Variants in RIMS2 observed in about 807,000 individuals in gnomAD.
RIMS2 encodes regulating synaptic membrane exocytosis protein 2.
In RIMS2, 59 loss-of-function variants were observed where a neutral mutation model predicts 174.4. The observed-to-expected ratio is 0.34, with a 90% CI of 0.27 to 0.42. RIMS2 has a LOEUF of 0.42. RIMS2 is among the 10% of genes least tolerant of loss of function. The pLI is 1.00. For missense variants in RIMS2, 1,620 were observed against 1,666.3 expected, an observed-to-expected ratio of 0.97 and a Z score of 0.48; for synonymous variants, 606 against 572.5, an observed-to-expected ratio of 1.06 and a Z score of -0.84.
At position 103,768,695 on chromosome 8, in the gene RIMS2, G is replaced by A. The variant is rs140559014; in HGVS notation, c.698+2158G>A. The A allele has an allele frequency of 3.9e-6, 3 of 773,130 alleles. No homozygotes were observed. The East Asian group carries it at 7.4e-5, about 19-fold the overall frequency. The allele number at this position is 773,130 out of a possible 1,614,324, so 47.9% of individuals were successfully genotyped here. ...CATCACCTGGGGCCCAAAAGAGCTA[G>A]CAGAATCCACAAACTTTTCAATCTC... On this transcript the variant is annotated intron_variant, in intron 3 of 23. Coordinates refer to ENST00000504942, the Ensembl canonical transcript of RIMS2.
intron 1 of RIMS2, among the ~76,000 whole-genome samples, chr8:103,599,624 T>C (rs2094621651): frequency 6.6e-6 from 1 of 151,426 alleles, no homozygotes; most frequent in Non-Finnish European, 1.5e-5. Flanking sequence ...TTTTTTTTGT[T>C]TTGTTTTGTA....
At chr8:103,952,290 C>G (rs1465107714) in intron 14 of RIMS2, among the ~76,000 whole-genome samples, 1 of 152,184 alleles carries the variant, frequency 6.6e-6, no homozygotes, top group Non-Finnish European at 1.5e-5. Context: ...CAAGTGGGTC[C>G]CTGACCCCCA....
rs193279154 is a variant in RIMS2 at position 104,148,377 on chromosome 8, C to T, written c.3335-96539C>T. Among the ~76,000 whole-genome samples, 494 of 152,086 alleles carry T rather than the reference C, an allele frequency of 3.2e-3. 4 individuals carry two copies. The highest frequency in any genetic ancestry group is 0.011 in the African/African-American group (457 of 41,508). On this transcript the variant is annotated intron_variant, in intron 19 of 23. Coordinates refer to ENST00000504942, the Ensembl canonical transcript of RIMS2. Reference sequence around the variant, plus strand: ...GTGATCATGCAAATTTGCACCTTGTCTTTGACAGCAGAAATAAAATCATAA... The same window carrying T: ...GTGATCATGCAAATTTGCACCTTGTTTTTGACAGCAGAAATAAAATCATAA...
At chr8:104,196,840 A>T (rs2099026989) in intron 19 of RIMS2, among the ~76,000 whole-genome samples, 1 of 152,196 alleles carries the variant, frequency 6.6e-6, no homozygotes, top group South Asian at 2.1e-4. Flanking sequence ...AAAGATTTTG[A>T]AAATGATTTT....
intron 1 of RIMS2, among the ~76,000 whole-genome samples, chr8:103,629,533 TA>T (rs1311318948): frequency 2.0e-5 from 3 of 151,776 alleles, no homozygotes; most frequent in African/African-American, 7.3e-5. Context: ...TAACAGGAAG[TA>T]AAAAAATAGG....
chr8:104,066,435 A>G (rs1288159718), intron 19 of RIMS2, among the ~76,000 whole-genome samples: 1 of 152,130 alleles, frequency 6.6e-6, no homozygotes, highest in Non-Finnish European at 1.5e-5. Flanking sequence ...GGTGCTATTT[A>G]TATTATATCA....
intron 3 of RIMS2, chr8:103,768,499 C>A: frequency 1.0e-6 from 1 of 983,014 alleles, no homozygotes; most frequent in Non-Finnish European, 1.7e-6. Context: ...ATGGCCGTGT[C>A]CGCCTGCTAA....
intron 3 of RIMS2, among the ~76,000 whole-genome samples, chr8:103,791,767 A>T (rs559923723): frequency 6.6e-6 from 1 of 152,330 alleles, no homozygotes; most frequent in Non-Finnish European, 1.5e-5. Flanking sequence ...TAGGGGTTGC[A>T]ATCCTAGTCT....
chr8:103,837,521 C>G (rs1004242727), intron 3 of RIMS2, among the ~76,000 whole-genome samples: 1 of 152,218 alleles, frequency 6.6e-6, no homozygotes, highest in South Asian at 2.1e-4. Context: ...TATCCCTCCC[C>G]CCTCAACAGA....
chr8:103,785,733 T>G (rs1271566636), intron 3 of RIMS2, among the ~76,000 whole-genome samples: 1 of 152,176 alleles, frequency 6.6e-6, no homozygotes, highest in Non-Finnish European at 1.5e-5. Flanking sequence ...AAAAATCTCT[T>G]TGTTTGTTTT....
rs145688929 is a variant in RIMS2 at position 103,827,574 on chromosome 8, C to T, written c.699-57724C>T. 3.6e-3 allele frequency among the ~76,000 whole-genome samples: 544 copies of T among 152,298 alleles called. 3 individuals are homozygous for T. The highest frequency in any genetic ancestry group is 0.012 in the African/African-American group (514 of 41,556). On this transcript the variant is annotated intron_variant, in intron 3 of 23. Coordinates refer to ENST00000504942, the Ensembl canonical transcript of RIMS2. ...CGAATGGGTTGGGCGCAGTGGCTCACGCCTGTGATCCCAGCACTTTGAGAG... is the reference window on the plus strand; with the variant it reads ...CGAATGGGTTGGGCGCAGTGGCTCATGCCTGTGATCCCAGCACTTTGAGAG...
chr8:103,557,544 T>C (rs1008234044), intron 1 of RIMS2, among the ~76,000 whole-genome samples: 2 of 152,240 alleles, frequency 1.3e-5, no homozygotes, highest in African/African-American at 2.4e-5. Context: ...TATCACCTGC[T>C]GTGTTCCAGG....
intron 4 of RIMS2, among the ~76,000 whole-genome samples, chr8:103,903,581 A>G (rs1433442212): frequency 1.3e-5 from 2 of 152,302 alleles, no homozygotes; most frequent in East Asian, 3.8e-4. Context: ...AAGTAAGTGA[A>G]GGGGAAATTT....
intron 1 of RIMS2, among the ~76,000 whole-genome samples, chr8:103,630,222 A>C (rs1452492241): frequency 1.3e-5 from 2 of 152,158 alleles, no homozygotes; most frequent in Non-Finnish European, 2.9e-5. Flanking sequence ...TTTGACTAGA[A>C]GAACAATAGC....
Position 104,145,790 on chromosome 8 carries a change from G to A in RIMS2, c.3335-99126G>A, listed in dbSNP as rs192735533. On this transcript the variant is annotated intron_variant, in intron 19 of 23. Coordinates refer to ENST00000504942, the Ensembl canonical transcript of RIMS2. ...CGACAGGAGAATCACTTGAACCCGG[G>A]AGGAGAGATTGCGGTGAGCTAGATC... is the stretch of plus-strand genomic sequence containing the variant. Among the ~76,000 whole-genome samples, 18 of 152,050 alleles carry A rather than the reference G, an allele frequency of 1.2e-4. No individual in the cohort carries two copies. In the East Asian group the frequency reaches 3.5e-3, roughly 29 times the overall value.
intron 1 of RIMS2, among the ~76,000 whole-genome samples, chr8:103,598,432 C>T (rs1035135402): frequency 3.9e-5 from 6 of 152,164 alleles, no homozygotes; most frequent in Non-Finnish European, 7.4e-5. Context: ...AATCCTTATT[C>T]ATCTTCCTAT....
At chr8:103,787,083 A>C (rs1182532191) in intron 3 of RIMS2, among the ~76,000 whole-genome samples, 1 of 147,654 alleles carries the variant, frequency 6.8e-6, no homozygotes, top group Non-Finnish European at 1.5e-5. Flanking sequence ...ATCAGAGACT[A>C]GGATTGCAAC....
chr8:104,011,881 T>A (rs1464414842), intron 17 of RIMS2, among the ~76,000 whole-genome samples: 1 of 151,990 alleles, frequency 6.6e-6, no homozygotes, highest in Non-Finnish European at 1.5e-5. Context: ...TTCTGTTGAT[T>A]GTGATGAAGA....
chr8:103,612,487 G>A (rs187148580), intron 1 of RIMS2, among the ~76,000 whole-genome samples: 30 of 152,308 alleles, frequency 2.0e-4, no homozygotes, highest in Admixed American at 7.2e-4. Flanking sequence ...TACCACCGTG[G>A]TTCTTGCAGA....
Sources: allele counts gnomAD v4.1 joint callset (sites outside exome capture counted in the v4.1 genomes callset), GRCh38; gene constraint gnomAD v4.1.1; transcripts MANE v1.5; gene names NCBI Gene and HGNC (gene_info 2026-07-23, HGNC 2026-07-21).